EXT1: variants seen among roughly 807,000 people sequenced by gnomAD.
The protein encoded by EXT1 is exostosin glycosyltransferase 1, also known as exostosin-1.
A neutral mutation model predicts 82.5 loss-of-function variants in EXT1; 20 were observed. The observed-to-expected ratio is 0.24, with a 90% CI of 0.17 to 0.35. The LOEUF is 0.35. EXT1 is among the 10% of genes least tolerant of loss of function. The pLI is 1.00. For missense variants in EXT1, 757 were observed against 936.5 expected, an observed-to-expected ratio of 0.81 and a Z score of 2.50; for synonymous variants, 348 against 350.8, an observed-to-expected ratio of 0.99 and a Z score of 0.09.
At chr8:117,980,706 T>TTG (rs1563619808) in intron 1 of EXT1, among the ~76,000 whole-genome samples, 15 of 42,222 alleles carry the variant, frequency 3.6e-4, no homozygotes, top group South Asian at 1.3e-3. Flanking sequence ...TGGTTTTTTT[T>TTG]TTTTTTTTTT....
intron 1 of EXT1, among the ~76,000 whole-genome samples, chr8:117,867,313 G>A (rs28535273): frequency 0.17 from 25,849 of 148,652 alleles, 2,453 homozygotes; most frequent in East Asian, 0.37. Flanking sequence ...GAGTGGGGAA[G>A]AGATGCTATT....
intron 1 of EXT1, among the ~76,000 whole-genome samples, chr8:117,916,922 TAAAATAA>T (rs1813764607): frequency 1.3e-5 from 2 of 151,208 alleles, no homozygotes; most frequent in African/African-American, 4.9e-5. Flanking sequence ...GTAATAATAA[TAAAATAA>T]AAAATAAAGT....
chr8:117,923,350 T>C (rs1335664945), intron 1 of EXT1, among the ~76,000 whole-genome samples: 1 of 151,326 alleles, frequency 6.6e-6, no homozygotes, highest in South Asian at 2.1e-4. Flanking sequence ...AAAAGGACAG[T>C]GAGCAGGGGG....
In EXT1 at chr8:117,911,244, T is replaced by C. The variant is rs115623739; in HGVS notation, c.963-74043A>G. On this transcript the variant is annotated intron_variant, in intron 1 of 10. Transcript: ENST00000378204. Reference sequence around the variant, plus strand: ...TTAAGCCAATGGCAGGAAAAGATCATAAATACAGATAAGCTCCAAATAAAC... The same window carrying C: ...TTAAGCCAATGGCAGGAAAAGATCACAAATACAGATAAGCTCCAAATAAAC... Among the ~76,000 whole-genome samples, 520 of 152,270 alleles carry C rather than the reference T, an allele frequency of 3.4e-3. 1 individual carries two copies. Among genetic ancestry groups the C allele is most frequent in the African/African-American group, 0.012 (492 of 41,554 alleles).
At chr8:117,938,344 C>G (rs111895308) in intron 1 of EXT1, among the ~76,000 whole-genome samples, 7,509 of 152,152 alleles carry the variant, frequency 0.049, 653 homozygotes, top group African/African-American at 0.17. Flanking sequence ...GACCTGTAAT[C>G]CCAGCTACTC....
intron 5 of EXT1, 146 bp downstream of exon 5, chr8:117,822,319 T>C: frequency 1.1e-6 from 1 of 884,330 alleles, no homozygotes; most frequent in Non-Finnish European, 1.8e-6. Flanking sequence ...GAACTTGATA[T>C]GTCACTTATA....
At chr8:118,107,568 A>G (rs1054182803) in intron 1 of EXT1, among the ~76,000 whole-genome samples, 2 of 152,208 alleles carry the variant, frequency 1.3e-5, no homozygotes, top group African/African-American at 4.8e-5. Flanking sequence ...TGCATCTCAC[A>G]TATCTAAGGC....
At chr8:117,887,605 CTCCCA>C (rs1813169901) in intron 1 of EXT1, among the ~76,000 whole-genome samples, 1 of 152,048 alleles carries the variant, frequency 6.6e-6, no homozygotes, top group Non-Finnish European at 1.5e-5. Context: ...CCAGCTTGGT[CTCCCA>C]AAGTGCTGGG....
chr8:117,859,761 T>A (rs1812647726), intron 1 of EXT1, among the ~76,000 whole-genome samples: 2 of 152,188 alleles, frequency 1.3e-5, no homozygotes, highest in Admixed American at 1.3e-4. Context: ...CTTTTCAACA[T>A]GAAAAGTGTC....
chr8:117,913,861 T>A (rs1766122137), intron 1 of EXT1, among the ~76,000 whole-genome samples: 1 of 152,314 alleles, frequency 6.6e-6, no homozygotes, highest in Middle Eastern at 3.4e-3. Context: ...AATTTAAGAC[T>A]CAGAGGTTAA....
At chr8:118,041,202 A>G (rs2129902390) in intron 1 of EXT1, among the ~76,000 whole-genome samples, 1 of 152,370 alleles carries the variant, frequency 6.6e-6, no homozygotes, top group African/African-American at 2.4e-5. Context: ...GAAGTCCTCA[A>G]GTCTAAAACA....
chr8:117,853,080 A>C (rs1182985070), intron 1 of EXT1, among the ~76,000 whole-genome samples: 1 of 152,214 alleles, frequency 6.6e-6, no homozygotes, highest in Non-Finnish European at 1.5e-5. Flanking sequence ...CTGACAGTAG[A>C]TGCAAAAGTC....
At chr8:117,875,050 T>C (rs139055186) in intron 1 of EXT1, among the ~76,000 whole-genome samples, 12 of 152,304 alleles carry the variant, frequency 7.9e-5, no homozygotes, top group African/African-American at 2.4e-4. Context: ...ACAGTGGCAA[T>C]AGAAATATTG....
intron 1 of EXT1, among the ~76,000 whole-genome samples, chr8:117,892,705 C>T (rs575883385): frequency 6.6e-6 from 1 of 152,290 alleles, no homozygotes; most frequent in East Asian, 1.9e-4. Context: ...GAGGCTATTG[C>T]CATGGTCCGG....
chr8:118,089,859 T>G (rs1817490983), intron 1 of EXT1, among the ~76,000 whole-genome samples: 1 of 152,162 alleles, frequency 6.6e-6, no homozygotes, highest in Non-Finnish European at 1.5e-5. Flanking sequence ...TATGTCTGCC[T>G]GTGTGTGCAA....
chr8:117,939,779 T>G (rs964684482), intron 1 of EXT1, among the ~76,000 whole-genome samples: 1 of 152,210 alleles, frequency 6.6e-6, no homozygotes, highest in Non-Finnish European at 1.5e-5. Flanking sequence ...TTCTGAGTTG[T>G]GCATACATCT....
At chr8:117,885,494 C>CAAAAAAAAAAAAAAAAAAAAAAA (rs11300586) in intron 1 of EXT1, among the ~76,000 whole-genome samples, 1 of 103,418 alleles carries the variant, frequency 9.7e-6, no homozygotes, top group Non-Finnish European at 1.9e-5. Flanking sequence ...AAGTAACAGA[C>CAAAAAAAAAAAAAAAAAAAAAAA]AAAAAAAAAA....
intron 1 of EXT1, among the ~76,000 whole-genome samples, chr8:118,001,957 C>T (rs1815675926): frequency 6.6e-6 from 1 of 152,162 alleles, no homozygotes; most frequent in South Asian, 2.1e-4. Context: ...ATCTTAATGT[C>T]TATCAGTTGT....
rs969631397 is a variant in EXT1, at chr8:117,872,037, T to C, written c.963-34836A>G. ...GTCCCAGCTACTTGGGAGGCTGAGG[T>C]GGAAGGATCTCTTGGGCTCAGTAGC... On this transcript the variant is annotated intron_variant, in intron 1 of 10. Transcript: ENST00000378204. Among the ~76,000 whole-genome samples the C allele has an allele frequency of 2.6e-5, 4 of 151,576 alleles. No individual in the cohort carries two copies. In the South Asian group the frequency reaches 8.4e-4, roughly 32 times the overall value.
Sources: gnomAD v4.1 joint callset for allele counts (sites outside exome capture counted in the v4.1 genomes callset) on GRCh38, gnomAD v4.1.1 for gene constraint, MANE v1.5 for transcripts, NCBI Gene and HGNC (gene_info 2026-07-23, HGNC 2026-07-21) for gene names.